Variants in MAGI2 observed in about 807,000 individuals in gnomAD.
The protein encoded by MAGI2 is membrane-associated guanylate kinase, WW and PDZ domain-containing protein 2.
In MAGI2, 35 loss-of-function variants were observed where a neutral mutation model predicts 133.3. That is an observed-to-expected ratio of 0.26 (90% CI 0.20 to 0.35). The LOEUF (loss-of-function observed/expected upper bound fraction) is 0.35, where lower values mean the gene tolerates loss of function less well. Ranked by LOEUF, MAGI2 falls within the 10% of genes least tolerant of loss-of-function variation. The pLI is 1.00. For missense variants in MAGI2, 1,636 were observed against 1,863.4 expected, an observed-to-expected ratio of 0.88 and a Z score of 2.25; for synonymous variants, 729 against 710.6, an observed-to-expected ratio of 1.03 and a Z score of -0.41.
intron 2 of MAGI2, among the ~76,000 whole-genome samples, chr7:78,777,164 A>C (rs147046447): frequency 2.6e-5 from 4 of 152,356 alleles, no homozygotes; most frequent in African/African-American, 9.6e-5. Context: ...TTCTAAGAGA[A>C]GAAAAGCAAA....
chr7:79,294,196 GGAAAAA>G (rs1836730298), intron 1 of MAGI2, among the ~76,000 whole-genome samples: 1 of 148,140 alleles, frequency 6.8e-6, no homozygotes, highest in African/African-American at 2.5e-5. Flanking sequence ...AAAAAAAAAA[GGAAAAA>G]GAAAATAATG....
intron 6 of MAGI2, among the ~76,000 whole-genome samples, chr7:78,477,592 G>A (rs1018630572): frequency 2.0e-5 from 3 of 151,778 alleles, no homozygotes; most frequent in Non-Finnish European, 2.9e-5. Flanking sequence ...AAGAAAGCTC[G>A]TGCAGGGGAA....
chr7:79,404,411 C>G (rs1179093640), intron 1 of MAGI2, among the ~76,000 whole-genome samples: 1 of 152,130 alleles, frequency 6.6e-6, no homozygotes, highest in African/African-American at 2.4e-5. Context: ...TCATAGGTCA[C>G]TGCAGCCTTG....
intron 1 of MAGI2, among the ~76,000 whole-genome samples, chr7:79,036,670 T>C (rs1811155321): frequency 6.6e-6 from 1 of 150,420 alleles, no homozygotes; most frequent in Non-Finnish European, 1.5e-5. Context: ...GATTTTTTTT[T>C]CCCCCGAGTA....
At chr7:78,706,669 A>G (rs1818679830) in intron 2 of MAGI2, among the ~76,000 whole-genome samples, 1 of 152,092 alleles carries the variant, frequency 6.6e-6, no homozygotes, top group Admixed American at 6.6e-5. Flanking sequence ...TAATCCAATC[A>G]CATTTAAATT....
At chr7:78,477,339 A>G (rs1563057624) in intron 6 of MAGI2, among the ~76,000 whole-genome samples, 1 of 152,032 alleles carries the variant, frequency 6.6e-6, no homozygotes, top group Non-Finnish European at 1.5e-5. Flanking sequence ...CTTTTTTAAA[A>G]TGTTGTAAGA....
intron 1 of MAGI2, among the ~76,000 whole-genome samples, chr7:79,118,846 T>C (rs1323274151): frequency 2.0e-5 from 3 of 152,084 alleles, no homozygotes; most frequent in African/African-American, 7.2e-5. Context: ...TTTATATATA[T>C]CAATTAAGAA....
intron 2 of MAGI2, among the ~76,000 whole-genome samples, chr7:78,856,348 T>A (rs1384967011): frequency 6.6e-6 from 1 of 152,222 alleles, no homozygotes; most frequent in East Asian, 1.9e-4. Flanking sequence ...CTGAATGGTA[T>A]TGCCTAGGTT....
At chr7:79,298,419 T>C (rs1837116277) in intron 1 of MAGI2, among the ~76,000 whole-genome samples, 1 of 152,102 alleles carries the variant, frequency 6.6e-6, no homozygotes, top group South Asian at 2.1e-4. Context: ...TAAGTTCTTT[T>C]AGGAACAAGC....
intron 1 of MAGI2, among the ~76,000 whole-genome samples, chr7:79,211,781 AGGAGGGTG>A (rs1829518246): frequency 6.6e-6 from 1 of 152,074 alleles, no homozygotes; most frequent in Non-Finnish European, 1.5e-5. Flanking sequence ...CTGGGTTAAT[AGGAGGGTG>A]GCGAGGGCTA....
intron 10 of MAGI2, among the ~76,000 whole-genome samples, chr7:78,210,046 T>C (rs565415185): frequency 1.3e-5 from 2 of 152,310 alleles, no homozygotes; most frequent in African/African-American, 4.8e-5. Context: ...AGTTTCCTTA[T>C]TATAGTTTTT....
At chr7:79,382,681 A>C (rs1027140581) in intron 1 of MAGI2, among the ~76,000 whole-genome samples, 1 of 151,692 alleles carries the variant, frequency 6.6e-6, no homozygotes, top group Non-Finnish European at 1.5e-5. Context: ...GTCACTGCTA[A>C]ATAAATATTA....
At chr7:78,896,232 T>C (rs1485893879) in intron 2 of MAGI2, among the ~76,000 whole-genome samples, 1 of 152,140 alleles carries the variant, frequency 6.6e-6, no homozygotes, top group Non-Finnish European at 1.5e-5. Flanking sequence ...TCTATTTCAC[T>C]TTCTATATAA....
chr7:78,702,767 T>C (rs1240230155), intron 2 of MAGI2, among the ~76,000 whole-genome samples: 1 of 151,950 alleles, frequency 6.6e-6, no homozygotes, highest in African/African-American at 2.4e-5. Context: ...GATGACTAGG[T>C]AGATAAAACT....
intron 1 of MAGI2, among the ~76,000 whole-genome samples, chr7:79,419,508 G>A (rs1453669315): frequency 6.6e-6 from 1 of 152,018 alleles, no homozygotes; most frequent in Non-Finnish European, 1.5e-5. Context: ...ATGTGAGAAT[G>A]TGGTAACTTT....
At chr7:79,202,114 G>T (rs1828661676) in intron 1 of MAGI2, among the ~76,000 whole-genome samples, 1 of 151,868 alleles carries the variant, frequency 6.6e-6, no homozygotes, top group Non-Finnish European at 1.5e-5. Flanking sequence ...AGAAATCAAG[G>T]AGATAAAGAA....
intron 1 of MAGI2, among the ~76,000 whole-genome samples, chr7:79,011,929 CTTT>C (rs758984512): frequency 0.21 from 19,692 of 94,056 alleles, 2,098 homozygotes; most frequent in Non-Finnish European, 0.24. Context: ...TCCTTCCTTT[CTTT>C]CTTTCTTTCT....
At chr7:78,883,891 CTA>C (rs1244668600) in intron 2 of MAGI2, among the ~76,000 whole-genome samples, 2 of 152,122 alleles carry the variant, frequency 1.3e-5, no homozygotes, top group Non-Finnish European at 2.9e-5. Context: ...AGGCTTAAAA[CTA>C]TACAAATCCT....
intron 1 of MAGI2, among the ~76,000 whole-genome samples, chr7:79,135,212 T>C (rs1585012123): frequency 7.2e-5 from 8 of 111,468 alleles, no homozygotes; most frequent in Middle Eastern, 4.6e-3. Context: ...TTGAGTGAGA[T>C]AGTAAAAACT....
Sources: allele counts gnomAD v4.1 joint callset (sites outside exome capture counted in the v4.1 genomes callset), GRCh38; gene constraint gnomAD v4.1.1; transcripts MANE v1.5; gene names NCBI Gene and HGNC (gene_info 2026-07-23, HGNC 2026-07-21).